Variants in AMBRA1 observed in about 807,000 individuals in gnomAD.
AMBRA1 encodes the protein activating molecule in BECN1-regulated autophagy protein 1.
AMBRA1 carries 47 observed loss-of-function variants against 125.4 expected under a neutral mutation model. The ratio of observed to expected loss-of-function variants is 0.37; its 90% CI spans 0.30 to 0.48. The LOEUF is 0.48. AMBRA1 is among the 20% of genes least tolerant of loss of function. The probability of loss-of-function intolerance (pLI) is 0.99; values close to 1 mark genes in which losing one functional copy is unlikely to be tolerated. For missense variants in AMBRA1, 1,331 were observed against 1,693.4 expected, an observed-to-expected ratio of 0.79 and a Z score of 3.76; for synonymous variants, 626 against 655.5, an observed-to-expected ratio of 0.95 and a Z score of 0.69.
intron 15 of AMBRA1, among the ~76,000 whole-genome samples, chr11:46,410,991 C>T (rs1946261711): frequency 6.6e-6 from 1 of 151,754 alleles, no homozygotes; most frequent in Non-Finnish European, 1.5e-5. Context: ...GTCCCAGCTA[C>T]TCAGGAGACT....
intron 1 of AMBRA1, among the ~76,000 whole-genome samples, chr11:46,577,978 G>T (rs1340875494): frequency 4.6e-5 from 7 of 151,936 alleles, no homozygotes; most frequent in Admixed American, 3.3e-4. Flanking sequence ...AAACAAAAAC[G>T]CTAGAAGCTG....
chr11:46,443,446 A>G lies in AMBRA1; in HGVS notation c.2632+42T>C, dbSNP rs756641514. Reference sequence around the variant, plus strand: ...TTTTTGAGTTCTGGCTCACCAGCAAATATAACCCTTCCACTGATACCCCCA... The same window carrying G: ...TTTTTGAGTTCTGGCTCACCAGCAAGTATAACCCTTCCACTGATACCCCCA... On this transcript the variant is annotated intron_variant, in intron 12 of 17. Coordinates refer to ENST00000683756, the MANE Select transcript of AMBRA1 (RefSeq NM_001387011.1). The G allele has an allele frequency of 2.0e-6, 3 of 1,536,502 alleles. No homozygotes were observed. The South Asian group carries it at 3.4e-5, about 17-fold the overall frequency.
At chr11:46,434,641 G>C (rs1439490690) in intron 13 of AMBRA1, among the ~76,000 whole-genome samples, 3 of 152,148 alleles carry the variant, frequency 2.0e-5, no homozygotes, top group Non-Finnish European at 4.4e-5. Flanking sequence ...GTCGTAACAG[G>C]GGCATGCGGT....
At chr11:46,567,838 G>A (rs2043589754) in intron 1 of AMBRA1, among the ~76,000 whole-genome samples, 1 of 152,026 alleles carries the variant, frequency 6.6e-6, no homozygotes, top group Non-Finnish European at 1.5e-5. Flanking sequence ...CCTGCCGTGT[G>A]CCAAACTATA....
intron 11 of AMBRA1, among the ~76,000 whole-genome samples, chr11:46,484,330 T>G (rs190446876): frequency 2.4e-4 from 37 of 152,282 alleles, no homozygotes; most frequent in Non-Finnish European, 5.0e-4. Flanking sequence ...CACATACTAA[T>G]CATAACCTAA....
chr11:46,560,063 A>G (rs2043280239), intron 1 of AMBRA1, among the ~76,000 whole-genome samples: 1 of 152,220 alleles, frequency 6.6e-6, no homozygotes, highest in Non-Finnish European at 1.5e-5. Context: ...TGATTATAAA[A>G]AGCCACAGAT....
Position 46,535,866 on chromosome 11 carries a change from T to C in AMBRA1, c.2072+6079A>G, listed in dbSNP as rs921088103. Among the ~76,000 whole-genome samples the C allele has an allele frequency of 2.6e-5, 4 of 152,088 alleles. No homozygotes were observed. In the East Asian group the frequency reaches 5.8e-4, roughly 22 times the overall value. The stretch of plus-strand genomic sequence containing the variant: ...CCCTGAGTCATCAGTGTAAAGCCAA[T>C]ATGAAGGACACATATTGGCCAGGTG... On this transcript the variant is annotated intron_variant, in intron 7 of 17. Transcript: ENST00000683756.
intron 14 of AMBRA1, among the ~76,000 whole-genome samples, chr11:46,423,536 C>T (rs1204783939): frequency 1.3e-5 from 2 of 151,614 alleles, no homozygotes; most frequent in Non-Finnish European, 2.9e-5. Flanking sequence ...GGACTACAGG[C>T]GCCTGCCACC....
At chr11:46,491,716 C>G (rs1231259584) in intron 11 of AMBRA1, among the ~76,000 whole-genome samples, 2 of 152,182 alleles carry the variant, frequency 1.3e-5, no homozygotes. Flanking sequence ...TAATGGCATT[C>G]TGCATCCTTT....
chr11:46,503,865 CTT>C (rs1590971046), intron 9 of AMBRA1, among the ~76,000 whole-genome samples: 1 of 152,114 alleles, frequency 6.6e-6, no homozygotes, highest in South Asian at 2.1e-4. Flanking sequence ...CAGCAACAGT[CTT>C]TTATTTGTTT....
intron 11 of AMBRA1, among the ~76,000 whole-genome samples, chr11:46,490,243 T>C (rs1234284418): frequency 6.6e-6 from 1 of 152,142 alleles, no homozygotes; most frequent in Non-Finnish European, 1.5e-5. Context: ...CTTACAGCTC[T>C]TTAAGTATGG....
intron 14 of AMBRA1, among the ~76,000 whole-genome samples, chr11:46,423,621 G>A (rs562496444): frequency 7.2e-5 from 11 of 152,014 alleles, no homozygotes; most frequent in Non-Finnish European, 1.2e-4. Context: ...TTGATCTCCT[G>A]ACCTTGTGAT....
At chr11:46,439,780 C>A (rs947849377) in intron 12 of AMBRA1, among the ~76,000 whole-genome samples, 1 of 152,062 alleles carries the variant, frequency 6.6e-6, no homozygotes, top group Non-Finnish European at 1.5e-5. Flanking sequence ...AGGAAAAGAC[C>A]AGTAACACAA....
intron 1 of AMBRA1, among the ~76,000 whole-genome samples, chr11:46,558,968 A>G (rs887909700): frequency 2.0e-5 from 3 of 152,184 alleles, no homozygotes; most frequent in Admixed American, 2.0e-4. Flanking sequence ...TATGAGTTCA[A>G]AGTCATAAAT....
chr11:46,450,930 T>G (rs977526236), intron 11 of AMBRA1, among the ~76,000 whole-genome samples: 5 of 152,148 alleles, frequency 3.3e-5, no homozygotes, highest in Non-Finnish European at 7.3e-5. Flanking sequence ...ACCACACTGG[T>G]GTGGACAGTG....
rs1226113710 is a variant in AMBRA1 at position 46,400,490 on chromosome 11, T to G, written c.3404-2547A>C. Among the ~76,000 whole-genome samples, 4 of 79,274 alleles carry G rather than the reference T, an allele frequency of 5.0e-5. 1 individual carries two copies. The highest frequency in any genetic ancestry group is 1.0e-4 in the Non-Finnish European group (4 of 39,176). The allele number at this position is 79,274 out of a possible 152,430, so 52.0% of individuals were successfully genotyped here. A position where few individuals can be genotyped will look rare whatever the true frequency, so the allele number is the denominator to read the frequency against. ...TTTCTATAGTTTTTTTTTTTTTTTT[T>G]TTTTTTTTTTTTTTTTTTTGAGACC... is the stretch of plus-strand genomic sequence containing the variant. On this transcript the variant is annotated intron_variant, in intron 17 of 17. Coordinates refer to ENST00000683756, the MANE Select transcript of AMBRA1 (RefSeq NM_001387011.1).
At chr11:46,463,882 T>G (rs1949210043) in intron 11 of AMBRA1, among the ~76,000 whole-genome samples, 1 of 152,176 alleles carries the variant, frequency 6.6e-6, no homozygotes, top group South Asian at 2.1e-4. Context: ...CTGTGGAAGA[T>G]CCAAGTGGGT....
chr11:46,412,493 G>T (rs1946341438), intron 15 of AMBRA1, among the ~76,000 whole-genome samples: 1 of 152,006 alleles, frequency 6.6e-6, no homozygotes, highest in African/African-American at 2.4e-5. Flanking sequence ...GTTTCACCAT[G>T]TTGCCTAAGC....
intron 12 of AMBRA1, among the ~76,000 whole-genome samples, chr11:46,437,226 G>A (rs1947767224): frequency 6.6e-6 from 1 of 152,120 alleles, no homozygotes; most frequent in Admixed American, 6.5e-5. Context: ...CTGGGCATAT[G>A]GACAAAAAGC....
Sources: allele counts gnomAD v4.1 joint callset (sites outside exome capture counted in the v4.1 genomes callset), GRCh38; gene constraint gnomAD v4.1.1; transcripts MANE v1.5; gene names NCBI Gene and HGNC (gene_info 2026-07-23, HGNC 2026-07-21).